CDH18: variants seen among roughly 807,000 people sequenced by gnomAD.
CDH18 encodes cadherin 18.
CDH18 carries 31 observed loss-of-function variants against 67.9 expected under a neutral mutation model. The observed-to-expected ratio is 0.46, with a 90% CI of 0.34 to 0.62. CDH18 has a LOEUF of 0.62. CDH18 is among the 20% of genes least tolerant of loss of function. The probability of loss-of-function intolerance (pLI) is 0.01; values close to 1 mark genes in which losing one functional copy is unlikely to be tolerated. For synonymous variants in CDH18, 362 were observed against 347.2 expected (o/e 1.04, Z -0.48); for missense variants, 890 against 975.5 (o/e 0.91, Z 1.17).
chr5:19,849,611 CGCATATATATATAA>C (rs1561436910), intron 2 of CDH18, among the ~76,000 whole-genome samples: 4 of 83,922 alleles, frequency 4.8e-5, no homozygotes, highest in African/African-American at 1.3e-4. Flanking sequence ...TATATATACA[CGCATATATATATAA>C]ACATATATAT....
Position 20,206,371 on chromosome 5 carries a change from A to G in CDH18, c.-518+49073T>C, listed in dbSNP as rs538447373. On this transcript the variant is annotated intron_variant, in intron 2 of 14. Transcript: ENST00000507958. ...GTCTTCTATTAAAGAAAATTCCAAAACCTAGTGGAATCACTGACGAACTCT... is the reference window on the plus strand; with the variant it reads ...GTCTTCTATTAAAGAAAATTCCAAAGCCTAGTGGAATCACTGACGAACTCT... 3.3e-5 allele frequency among the ~76,000 whole-genome samples: 5 copies of G among 152,012 alleles called. No homozygotes were observed. The South Asian group carries it at 1.0e-3, about 31-fold the overall frequency.
chr5:20,073,044 T>G (rs1435491294), intron 2 of CDH18, among the ~76,000 whole-genome samples: 1 of 151,982 alleles, frequency 6.6e-6, no homozygotes, highest in Non-Finnish European at 1.5e-5. Context: ...TTCTCATTAT[T>G]GAGACTATTA....
chr5:20,150,204 A>AT (rs1750993347), intron 2 of CDH18, among the ~76,000 whole-genome samples: 1 of 152,098 alleles, frequency 6.6e-6, no homozygotes, highest in Admixed American at 6.6e-5. Flanking sequence ...AAAAAAGATT[A>AT]TTTGATAGCT....
At position 20,203,581 on chromosome 5, in the gene CDH18, A is replaced by AAGAGAGAGAGAGAG. The variant is rs57913549; in HGVS notation, c.-518+51849_-518+51862dup. Among the ~76,000 whole-genome samples the AAGAGAGAGAGAGAG allele has an allele frequency of 5.0e-3, 725 of 145,576 alleles. 4 individuals are homozygous for AAGAGAGAGAGAGAG. Among genetic ancestry groups the AAGAGAGAGAGAGAG allele is most frequent in the South Asian group, 0.017 (77 of 4,624 alleles). On this transcript the variant is annotated intron_variant, in intron 2 of 14. Coordinates refer to the CDH18 transcript ENST00000507958. ...GGAGGCAGTGACCTAGTGGAGGGAA[A>AAGAGAGAGAGAGAG]AGAGAGAGAGAGAGAGAGAAATTCA... is the stretch of plus-strand genomic sequence containing the variant.
chr5:20,195,154 A>C (rs1738873124), intron 2 of CDH18, among the ~76,000 whole-genome samples: 1 of 152,054 alleles, frequency 6.6e-6, no homozygotes, highest in African/African-American at 2.4e-5. Flanking sequence ...GTGTGTACCC[A>C]ATTATCATCA....
intron 2 of CDH18, among the ~76,000 whole-genome samples, chr5:20,253,482 A>T (rs968641656): frequency 2.0e-5 from 3 of 152,202 alleles, no homozygotes; most frequent in African/African-American, 7.2e-5. Context: ...TCAGGAAAAC[A>T]TTCAAACCCC....
At chr5:19,774,750 A>C (rs551838487) in intron 3 of CDH18, among the ~76,000 whole-genome samples, 66 of 137,624 alleles carry the variant, frequency 4.8e-4, no homozygotes, top group Non-Finnish European at 8.9e-4. Flanking sequence ...GTGGAGTTGC[A>C]GGAAGCAAAG....
intron 3 of CDH18, among the ~76,000 whole-genome samples, chr5:19,760,082 C>G (rs1238676849): frequency 1.3e-5 from 2 of 152,150 alleles, no homozygotes; most frequent in African/African-American, 4.8e-5. Context: ...CTGATTGCCA[C>G]TTTGCGTCTG....
At chr5:19,533,635 A>G (rs1046149969) in intron 9 of CDH18, among the ~76,000 whole-genome samples, 5 of 152,190 alleles carry the variant, frequency 3.3e-5, no homozygotes, top group Admixed American at 6.6e-5. Flanking sequence ...AGGAAACAGG[A>G]TAAAATAGAA....
At chr5:20,495,122 C>A (rs151253791) in intron 1 of CDH18, among the ~76,000 whole-genome samples, 25 of 152,102 alleles carry the variant, frequency 1.6e-4, no homozygotes, top group Admixed American at 4.6e-4. Context: ...TGTAACTTGG[C>A]CTTGGAGTTT....
chr5:19,683,696 G>T (rs574282199), intron 5 of CDH18, among the ~76,000 whole-genome samples: 2 of 152,174 alleles, frequency 1.3e-5, no homozygotes, highest in Admixed American at 1.3e-4. Flanking sequence ...TGGAAACTTT[G>T]AATTCATCTG....
intron 1 of CDH18, among the ~76,000 whole-genome samples, chr5:20,537,075 G>T (rs1756766781): frequency 6.6e-6 from 1 of 152,034 alleles, no homozygotes; most frequent in African/African-American, 2.4e-5. Flanking sequence ...TGGGCAACAG[G>T]CTCCAGCCCA....
At chr5:19,942,921 G>A (rs1794958244) in intron 2 of CDH18, among the ~76,000 whole-genome samples, 1 of 152,108 alleles carries the variant, frequency 6.6e-6, no homozygotes, top group African/African-American at 2.4e-5. Flanking sequence ...CACAGGCCTT[G>A]GAGATGGGAC....
intron 1 of CDH18, among the ~76,000 whole-genome samples, chr5:20,383,131 T>C (rs1744048685): frequency 6.6e-6 from 1 of 152,166 alleles, no homozygotes; most frequent in Non-Finnish European, 1.5e-5. Context: ...ACATTTTAGC[T>C]GCATTAATTC....
intron 3 of CDH18, among the ~76,000 whole-genome samples, chr5:19,789,672 A>G (rs1043309399): frequency 6.6e-6 from 1 of 152,142 alleles, no homozygotes; most frequent in East Asian, 1.9e-4. Context: ...ATTGCAAATA[A>G]ATATATGTAA....
At chr5:20,569,587 G>A (rs1232890883) in intron 1 of CDH18, among the ~76,000 whole-genome samples, 1 of 151,948 alleles carries the variant, frequency 6.6e-6, no homozygotes, top group Non-Finnish European at 1.5e-5. Context: ...CTCCAGCCTG[G>A]GCAACAGAGC....
chr5:19,967,552 T>C (rs1356377047), intron 2 of CDH18, among the ~76,000 whole-genome samples: 1 of 152,122 alleles, frequency 6.6e-6, no homozygotes, highest in Non-Finnish European at 1.5e-5. Flanking sequence ...TCAAAACAAT[T>C]TGTGACTGAT....
chr5:20,270,101 A>C (rs891685880), intron 1 of CDH18, among the ~76,000 whole-genome samples: 1 of 152,090 alleles, frequency 6.6e-6, no homozygotes, highest in Non-Finnish European at 1.5e-5. Context: ...AATGTAAAAC[A>C]ATACATAAAC....
intron 1 of CDH18, among the ~76,000 whole-genome samples, chr5:20,494,677 C>T (rs1262988845): frequency 2.0e-5 from 3 of 152,086 alleles, no homozygotes; most frequent in Non-Finnish European, 2.9e-5. Flanking sequence ...AAAATCTAAG[C>T]TCCTAGTTCT....
Sources: gnomAD v4.1 joint callset for allele counts (sites outside exome capture counted in the v4.1 genomes callset) on GRCh38, gnomAD v4.1.1 for gene constraint, MANE v1.5 for transcripts, NCBI Gene and HGNC (gene_info 2026-07-23, HGNC 2026-07-21) for gene names.